Variants in MIER3 observed in about 807,000 individuals in gnomAD.
The protein encoded by MIER3 is mesoderm induction early response protein 3.
A neutral mutation model predicts 63.2 loss-of-function variants in MIER3; 9 were observed. That is an observed-to-expected ratio of 0.14 (90% CI 0.09 to 0.25). The LOEUF (loss-of-function observed/expected upper bound fraction) is 0.25, where lower values mean the gene tolerates loss of function less well. Ranked by LOEUF, MIER3 falls within the 10% of genes least tolerant of loss-of-function variation. MIER3 has a pLI of 1.00. For missense variants in MIER3, 512 were observed against 666.2 expected, an observed-to-expected ratio of 0.77 and a Z score of 2.55; for synonymous variants, 205 against 224.9, an observed-to-expected ratio of 0.91 and a Z score of 0.79.
In MIER3 at chr5:56,937,622, A is replaced by C. The variant is rs1215927421; in HGVS notation, c.392T>G (p.Val131Gly). The change falls in exon 5 of 13, where the codon GTG becomes GGG. Residue 131 changes from valine (V) to glycine (G), a missense_variant. By Grantham distance (109) the Val-to-Gly change is moderately radical (BLOSUM62 -3). Coordinates refer to ENST00000381199, the MANE Select transcript of MIER3 (RefSeq NM_001297599.2). ...GAAATCAGAAGTTTCATGGGAAGTCACAGATGGCGTCAGATCATCCGCAGA... is the reference window on the plus strand; with the variant it reads ...GAAATCAGAAGTTTCATGGGAAGTCCCAGATGGCGTCAGATCATCCGCAGA... The part of the protein sequence containing the change: ...QSSADDLTPS[V>G]TSHETSDFFP... 1 of 1,611,654 alleles carries C rather than the reference A, an allele frequency of 6.2e-7. No homozygotes were observed. The highest frequency in any genetic ancestry group is 8.5e-7 in the Non-Finnish European group (1 of 1,178,738).
Position 56,946,974 on chromosome 5 carries a change from C to T in MIER3, c.132G>A (p.Met44Ile). The change falls in exon 3 of 13, where the codon ATG becomes ATA. Residue 44 changes from methionine (M) to isoleucine (I), a missense_variant. This residue lies in a region of MIER3 where 98 missense variants were observed against 107.4 expected (regional missense o/e 0.91). Coordinates refer to ENST00000381199, the MANE Select transcript of MIER3 (RefSeq NM_001297599.2). ...DDERTLEEEE[M>I]MDEGKNFSSE... ...AACTGAAGTTTTTACCCTCATCCAT[C>T]ATTTCCTCTTCTTCAAGAGTTCTTT... The T allele has an allele frequency of 6.2e-7, 1 of 1,608,798 alleles. No individual in the cohort carries two copies.
In MIER3 at chr5:56,940,783, G is replaced by T. The variant is rs182969362; in HGVS notation, c.181-1766C>A. Among the ~76,000 whole-genome samples, 19 of 152,260 alleles carry T rather than the reference G, an allele frequency of 1.2e-4. No homozygotes were observed. In the East Asian group the frequency reaches 3.7e-3, roughly 29 times the overall value. On this transcript the variant is annotated intron_variant, in intron 3 of 12. Transcript: ENST00000381199. ...TGAATTATTTTTCTTCCAAACCAAA[G>T]AATCCATTGAAGCTAACAAGACTCA...
chr5:56,935,957 G>C (rs1408218751), intron 5 of MIER3, among the ~76,000 whole-genome samples: 1 of 152,148 alleles, frequency 6.6e-6, no homozygotes, highest in East Asian at 1.9e-4. Flanking sequence ...CGGTGCAGTG[G>C]CTCTCATGGC....
At chr5:56,940,872 G>T in intron 3 of MIER3, 1 of 625,802 alleles carries the variant, frequency 1.6e-6, no homozygotes, top group African/African-American at 2.0e-5. Context: ...CATTCCCTTT[G>T]GCTCATATTG....
At chr5:56,948,574 C>T (rs1750908103) in intron 2 of MIER3, among the ~76,000 whole-genome samples, 1 of 152,052 alleles carries the variant, frequency 6.6e-6, no homozygotes, top group South Asian at 2.1e-4. Flanking sequence ...GAGGCTGAGG[C>T]AGGAGAATCG....
intron 3 of MIER3, 33 bp from the exon 4 acceptor site, chr5:56,939,050 C>T (rs1432950528): frequency 2.4e-5 from 38 of 1,609,752 alleles, no homozygotes; most frequent in Non-Finnish European, 3.1e-5. Context: ...ACGGACTCAG[C>T]AGATGTCACA....
intron 3 of MIER3, among the ~76,000 whole-genome samples, chr5:56,946,667 C>T (rs954838769): frequency 1.3e-5 from 2 of 152,012 alleles, no homozygotes; most frequent in African/African-American, 4.8e-5. Flanking sequence ...TTATAGTTTT[C>T]CGTATCTCAA....
At chr5:56,934,155 A>C (rs1454311040) in intron 7 of MIER3, among the ~76,000 whole-genome samples, 1 of 152,176 alleles carries the variant, frequency 6.6e-6, no homozygotes, top group African/African-American at 2.4e-5. Context: ...CTTCAAGTGC[A>C]TAATAAATAC....
chr5:56,923,902 C>CT lies in MIER3; in HGVS notation c.1052+12_1052+13insA. The CT allele has an allele frequency of 6.2e-7, 1 of 1,614,014 alleles. No homozygotes were observed. Among genetic ancestry groups the CT allele is most frequent in the Non-Finnish European group, 8.5e-7 (1 of 1,179,960 alleles). ...TAAAAGTAAGTCTTTGAAGGCAAGG[C>CT]CACAGTACTTACGTAACTCCAGGGT... On this transcript the variant is annotated intron_variant, in intron 11 of 12. Coordinates refer to ENST00000381199, the MANE Select transcript of MIER3 (RefSeq NM_001297599.2).
At chr5:56,948,823 G>T (rs1348325526) in intron 2 of MIER3, among the ~76,000 whole-genome samples, 2 of 152,164 alleles carry the variant, frequency 1.3e-5, no homozygotes, top group Non-Finnish European at 2.9e-5. Context: ...TCACCTCTTT[G>T]GTAGCAGAGC....
intron 3 of MIER3, among the ~76,000 whole-genome samples, chr5:56,946,040 A>G (rs1750814007): frequency 6.6e-6 from 1 of 152,236 alleles, no homozygotes; most frequent in Non-Finnish European, 1.5e-5. Context: ...AACAGATCAG[A>G]GCAAGTGGGC....
rs1750983124 is a variant in MIER3 at position 56,950,535 on chromosome 5, G to A, written c.34+93C>T. The A allele has an allele frequency of 6.8e-6, 9 of 1,324,552 alleles. No individual in the cohort carries two copies. The East Asian group carries it at 2.1e-4, about 31-fold the overall frequency. The allele number at this position is 1,324,552 out of a possible 1,614,324, so 82.0% of individuals were successfully genotyped here. ...AAAAATCAATGAAGAAAAACCTGCAGGATACATTTCTATTGGGAATCCTTT... is the reference window on the plus strand; with the variant it reads ...AAAAATCAATGAAGAAAAACCTGCAAGATACATTTCTATTGGGAATCCTTT... On this transcript the variant is annotated intron_variant, in intron 2 of 12. Transcript: ENST00000381199.
intron 3 of MIER3, among the ~76,000 whole-genome samples, chr5:56,942,573 A>G (rs558080567): frequency 8.5e-5 from 13 of 152,334 alleles, no homozygotes; most frequent in Non-Finnish European, 1.6e-4. Flanking sequence ...TGAAAGTTAA[A>G]GCAGTGGGTT....
chr5:56,935,837 T>A, intron 5 of MIER3, 86 bp from the exon 6 acceptor site: 2 of 987,154 alleles, frequency 2.0e-6, no homozygotes, highest in Non-Finnish European at 3.1e-6. Context: ...AAAATGTTGT[T>A]AAATATGTGA....
chr5:56,945,850 C>G (rs1163548654), intron 3 of MIER3, among the ~76,000 whole-genome samples: 1 of 152,202 alleles, frequency 6.6e-6, no homozygotes, highest in African/African-American at 2.4e-5. Flanking sequence ...AGAGAATACA[C>G]TATTTCAAGT....
At chr5:56,933,952 G>A (rs1374523923) in intron 7 of MIER3, among the ~76,000 whole-genome samples, 1 of 107,802 alleles carries the variant, frequency 9.3e-6, no homozygotes, top group African/African-American at 2.7e-5. Context: ...TTTGGGAAGA[G>A]GGAGAAACAG....
chr5:56,938,320 T>C (rs1750523186), intron 4 of MIER3: 2 of 471,112 alleles, frequency 4.2e-6, no homozygotes, highest in African/African-American at 2.0e-5. Context: ...AGATGTGGAT[T>C]CCTCTCCCTG....
chr5:56,941,035 C>T (rs1047905570), intron 3 of MIER3: 87 of 984,818 alleles, frequency 8.8e-5, no homozygotes, highest in Non-Finnish European at 1.0e-4. Context: ...CCATCATTTA[C>T]TCAGTTCTAA....
chr5:56,948,488 A>T (rs1447717635), intron 2 of MIER3, among the ~76,000 whole-genome samples: 2 of 151,964 alleles, frequency 1.3e-5, no homozygotes, highest in East Asian at 3.9e-4. Context: ...ACATAGCGAA[A>T]CCCTGTCTCT....
Sources: gnomAD v4.1 joint callset for allele counts (sites outside exome capture counted in the v4.1 genomes callset) on GRCh38, gnomAD v4.1.1 for gene constraint, gnomAD v4.1.1 regional missense constraint, MANE v1.5 for transcripts, NCBI Gene and HGNC (gene_info 2026-07-23, HGNC 2026-07-21) for gene names.